The following ATRNL1 variants were observed in gnomAD, a reference collection of about 807,000 sequenced individuals.
The protein encoded by ATRNL1 is attractin-like protein 1.
In ATRNL1, 95 loss-of-function variants were observed where a neutral mutation model predicts 182.7. The ratio of observed to expected loss-of-function variants is 0.52; its 90% CI spans 0.44 to 0.62. ATRNL1 has a LOEUF of 0.62. ATRNL1 is among the 20% of genes least tolerant of loss of function. ATRNL1 has a pLI of 0.00. For missense variants in ATRNL1, 1,471 were observed against 1,679.5 expected (o/e 0.88, Z 2.17); for synonymous variants, 576 against 568.3 (o/e 1.01, Z -0.19).
intron 27 of ATRNL1, among the ~76,000 whole-genome samples, chr10:115,804,283 C>T (rs555794206): frequency 3.5e-4 from 53 of 152,240 alleles, no homozygotes; most frequent in African/African-American, 1.3e-3. Flanking sequence ...ACACAAAATA[C>T]TTGAATTCAT....
chr10:115,559,443 T>TGTGCGCGC (rs200694810), intron 26 of ATRNL1, among the ~76,000 whole-genome samples: 25,137 of 77,004 alleles, frequency 0.33, 2,727 homozygotes, highest in Admixed American at 0.5. Flanking sequence ...TGTGTGTGTG[T>TGTGCGCGC]GCGCGCGCGC....
rs187206282 is a variant in ATRNL1, at chr10:115,874,831, G to C, written c.4018+26840G>C. On this transcript the variant is annotated intron_variant, in intron 28 of 28. Coordinates refer to ENST00000355044, the MANE Select transcript of ATRNL1 (RefSeq NM_207303.4). ...AAGAAAGATCGAAAATGCCAGGAAG[G>C]CCCTTACTTCCAAGATGAGCTTGAA... 4.6e-5 allele frequency among the ~76,000 whole-genome samples: 7 copies of C among 152,294 alleles called. No homozygotes were observed. In the South Asian group the frequency reaches 6.2e-4, roughly 14 times the overall value.
At chr10:115,696,619 C>G (rs538029749) in intron 26 of ATRNL1, among the ~76,000 whole-genome samples, 1 of 152,294 alleles carries the variant, frequency 6.6e-6, no homozygotes, top group South Asian at 2.1e-4. Flanking sequence ...CTATTTTACA[C>G]TCCCACCAAC....
At chr10:115,779,186 T>C (rs1949203414) in intron 27 of ATRNL1, among the ~76,000 whole-genome samples, 1 of 152,196 alleles carries the variant, frequency 6.6e-6, no homozygotes, top group Non-Finnish European at 1.5e-5. Context: ...GGGAGTTTGA[T>C]GGTGCTTCTA....
At chr10:115,468,637 A>G (rs1396353065) in intron 23 of ATRNL1, among the ~76,000 whole-genome samples, 1 of 150,908 alleles carries the variant, frequency 6.6e-6, no homozygotes, top group Admixed American at 6.6e-5. Context: ...GCCTCCACCC[A>G]ATTTATTTAA....
intron 18 of ATRNL1, among the ~76,000 whole-genome samples, chr10:115,326,335 T>C (rs1198544450): frequency 2.0e-5 from 3 of 152,132 alleles, no homozygotes; most frequent in African/African-American, 7.2e-5. Context: ...CCATTCACAA[T>C]TGCTTCAAAG....
At chr10:115,621,438 G>A (rs921587004) in intron 26 of ATRNL1, among the ~76,000 whole-genome samples, 14 of 151,658 alleles carry the variant, frequency 9.2e-5, no homozygotes, top group Non-Finnish European at 1.9e-4. Flanking sequence ...AGTAACTGGG[G>A]CTACAGGCCC....
intron 27 of ATRNL1, among the ~76,000 whole-genome samples, chr10:115,817,784 T>C (rs774945056): frequency 6.6e-6 from 1 of 151,906 alleles, no homozygotes; most frequent in African/African-American, 2.4e-5. Context: ...TTTTTTGGTT[T>C]GTTTTTAATT....
intron 26 of ATRNL1, among the ~76,000 whole-genome samples, chr10:115,656,145 G>A (rs932491978): frequency 2.6e-5 from 4 of 152,084 alleles, no homozygotes; most frequent in Non-Finnish European, 5.9e-5. Flanking sequence ...GTGCTTCCAT[G>A]AATGTAACTG....
At chr10:115,645,996 T>C (rs1859586112) in intron 26 of ATRNL1, among the ~76,000 whole-genome samples, 1 of 151,106 alleles carries the variant, frequency 6.6e-6, no homozygotes, top group Non-Finnish European at 1.5e-5. Flanking sequence ...CTCTAGTCCA[T>C]TTCATCCTCT....
At chr10:115,689,306 A>G (rs2133968482) in intron 26 of ATRNL1, among the ~76,000 whole-genome samples, 1 of 152,122 alleles carries the variant, frequency 6.6e-6, no homozygotes, top group Middle Eastern at 3.4e-3. Context: ...GCTCCTTGAG[A>G]TGCATCATTA....
intron 26 of ATRNL1, among the ~76,000 whole-genome samples, chr10:115,685,282 C>T (rs1946180141): frequency 6.6e-6 from 1 of 151,616 alleles, no homozygotes; most frequent in Non-Finnish European, 1.5e-5. Flanking sequence ...ATCTTTATTT[C>T]TAAATTTATT....
chr10:115,339,001 T>C (rs564538338), intron 19 of ATRNL1, among the ~76,000 whole-genome samples: 8 of 152,354 alleles, frequency 5.3e-5, no homozygotes, highest in Non-Finnish European at 7.3e-5. Context: ...GTATATGTTC[T>C]GGTCACCTTT....
chr10:115,516,694 T>G (rs1321847566), intron 24 of ATRNL1, among the ~76,000 whole-genome samples: 1 of 151,896 alleles, frequency 6.6e-6, no homozygotes, highest in Non-Finnish European at 1.5e-5. Flanking sequence ...ACTCTGTCCT[T>G]TGCTCACAAT....
At chr10:115,723,200 G>A (rs1947484737) in intron 26 of ATRNL1, among the ~76,000 whole-genome samples, 1 of 152,160 alleles carries the variant, frequency 6.6e-6, no homozygotes, top group Non-Finnish European at 1.5e-5. Context: ...TTTCAAAGTT[G>A]AGGTGAGGTA....
chr10:115,249,416 GA>G (rs1412301214), intron 10 of ATRNL1, among the ~76,000 whole-genome samples: 2 of 152,080 alleles, frequency 1.3e-5, no homozygotes, highest in Non-Finnish European at 2.9e-5. Flanking sequence ...ATTAGCCAGT[GA>G]ATTTACATTT....
intron 20 of ATRNL1, 127 bp from the exon 21 acceptor site, chr10:115,426,123 A>G: frequency 3.1e-6 from 2 of 637,120 alleles, no homozygotes; most frequent in African/African-American, 1.9e-5. Flanking sequence ...TGTTTTTGAA[A>G]TTTCAAATAA....
At chr10:115,587,457 C>T (rs1192690013) in intron 26 of ATRNL1, among the ~76,000 whole-genome samples, 1 of 151,826 alleles carries the variant, frequency 6.6e-6, no homozygotes, top group African/African-American at 2.4e-5. Context: ...AATATAATCT[C>T]GTGGTGTGCC....
At chr10:115,295,513 A>G (rs782146259) in intron 15 of ATRNL1, among the ~76,000 whole-genome samples, 46 of 152,138 alleles carry the variant, frequency 3.0e-4, no homozygotes, top group Non-Finnish European at 5.3e-4. Flanking sequence ...CCTGATTGCC[A>G]GTGCAAGGCT....
Sources: allele counts gnomAD v4.1 joint callset (sites outside exome capture counted in the v4.1 genomes callset), GRCh38; gene constraint gnomAD v4.1.1; transcripts MANE v1.5; gene names NCBI Gene and HGNC (gene_info 2026-07-23, HGNC 2026-07-21).